Variants in CEACAM1 observed in about 807,000 individuals in gnomAD.
CEACAM1 encodes the protein cell adhesion molecule CEACAM1.
Under a neutral mutation model 49.1 loss-of-function variants are expected in CEACAM1, and 31 were observed. The ratio of observed to expected loss-of-function variants is 0.63; its 90% confidence interval spans 0.47 to 0.85. The LOEUF (loss-of-function observed/expected upper bound fraction) is 0.85, where lower values mean the gene tolerates loss of function less well. CEACAM1 is among the 40% of genes least tolerant of loss of function. CEACAM1 has a pLI of 0.00. For missense variants in CEACAM1, 570 were observed against 645.3 expected (o/e 0.88, Z 1.26); for synonymous variants, 244 against 247.8 (o/e 0.98, Z 0.14).
chr19:42,521,253 C>T lies in CEACAM1; in HGVS notation c.958+14G>A, dbSNP rs1402378881. ...ACCCCAGATCTTAGTGTTGATGCTC[C>T]AGGAATTACTTACCAGTGACTATGA... On this transcript the variant is annotated intron_variant, in intron 4 of 8. Transcript: ENST00000161559. 6.2e-7 allele frequency: 1 copy of T among 1,612,572 alleles called. No homozygotes were observed. The highest frequency in any genetic ancestry group is 2.2e-5 in the East Asian group (1 of 44,836).
chr19:42,522,301 G>C, intron 2 of CEACAM1, 99 bp from the exon 3 acceptor site: 1 of 1,531,934 alleles, frequency 6.5e-7, no homozygotes, highest in Non-Finnish European at 8.7e-7. Context: ...TGGAGATGGA[G>C]CCTCGCTCTG....
At chr19:42,526,834 G>A (rs2041903195) in intron 2 of CEACAM1, among the ~76,000 whole-genome samples, 1 of 152,158 alleles carries the variant, frequency 6.6e-6, no homozygotes, top group South Asian at 2.1e-4. Context: ...TCCTTCCTCT[G>A]AAGCAAATGT....
intron 5 of CEACAM1, among the ~76,000 whole-genome samples, chr19:42,512,683 C>CT (rs753850463): frequency 0.033 from 4,632 of 138,384 alleles, 246 homozygotes; most frequent in African/African-American, 0.11. Flanking sequence ...TTTTTCTTTT[C>CT]TTTTTTTTTT....
At chr19:42,527,731 A>G (rs1282773764) in intron 1 of CEACAM1, 2 of 262,930 alleles carry the variant, frequency 7.6e-6, no homozygotes, top group Non-Finnish European at 1.4e-5. Context: ...GACCCTGGGT[A>G]TTCCCTTTCT....
chr19:42,517,749 T>C (rs1169935424), intron 5 of CEACAM1, among the ~76,000 whole-genome samples: 1 of 152,230 alleles, frequency 6.6e-6, no homozygotes, highest in African/African-American at 2.4e-5. Flanking sequence ...TGAAATGGTA[T>C]AGCCACTGTG....
At chr19:42,527,655 C>T (rs1191428914) in intron 1 of CEACAM1, 1 of 459,046 alleles carries the variant, frequency 2.2e-6, no homozygotes, top group East Asian at 3.9e-5. Context: ...TCCCTCCCCA[C>T]TGCCCTCAGA....
intron 5 of CEACAM1, among the ~76,000 whole-genome samples, chr19:42,517,983 G>C (rs1247416231): frequency 6.6e-6 from 1 of 152,194 alleles, no homozygotes; most frequent in Non-Finnish European, 1.5e-5. Context: ...TATCTACACA[G>C]CATAATATTA....
intron 4 of CEACAM1, 40 bp downstream of exon 4, chr19:42,521,227 T>C: frequency 1.2e-6 from 2 of 1,601,944 alleles, no homozygotes; most frequent in East Asian, 2.2e-5. Flanking sequence ...AGAAAGCTTG[T>C]ACCCCAGATC....
chr19:42,511,141 A>G, intron 7 of CEACAM1: 2 of 594,666 alleles, frequency 3.4e-6, no homozygotes, highest in Non-Finnish European at 6.0e-6. Context: ...GAGTTCTACC[A>G]GTTCACAAGG....
chr19:42,519,381 C>A, intron 4 of CEACAM1, 146 bp from the exon 5 acceptor site: 1 of 727,414 alleles, frequency 1.4e-6, no homozygotes. Context: ...GGGGATAGCC[C>A]TGACCCTCTG....
intron 5 of CEACAM1, among the ~76,000 whole-genome samples, chr19:42,516,584 A>G (rs2041604189): frequency 1.3e-5 from 2 of 152,350 alleles, no homozygotes; most frequent in Admixed American, 6.5e-5. Context: ...AAAGTGATCT[A>G]CAGATTCAGT....
At chr19:42,510,986 T>C in intron 7 of CEACAM1, 66 bp from the exon 8 acceptor site, 1 of 1,477,584 alleles carries the variant, frequency 6.8e-7, no homozygotes, top group African/African-American at 1.4e-5. Context: ...TGATTCTAGC[T>C]GAAGGAGGTG....
chr19:42,519,073 A>T lies in CEACAM1; in HGVS notation c.1121T>A (p.Leu374Gln). Residue 374 changes from leucine (L) to glutamine (Q), a missense_variant, in exon 5 of 9, where the codon CTG becomes CAG. Physicochemically the swap from Leu to Gln is moderately radical, Grantham distance 113. Transcript: ENST00000161559. ...QSLPSSERMK[L>Q]SQGNTTLSIN... ...GCTGAGGGTGGTGTTGCCCTGGGAC[A>T]GCTTCATCCTCTCCGAGGACGGGAG... The T allele has an allele frequency of 8.7e-6, 14 of 1,614,200 alleles. No individual in the cohort carries two copies. Among genetic ancestry groups the T allele is most frequent in the Non-Finnish European group, 1.2e-5 (14 of 1,180,040 alleles).
At position 42,513,303 on chromosome 19, in the gene CEACAM1, A is replaced by G. The variant is rs1435476867; in HGVS notation, c.1247-824T>C. ...CTGTCAGCCTTGCAGAAATGCTCTT[A>G]GAACTGCACTGCAGGCCGGGCGCGG... is the stretch of plus-strand genomic sequence containing the variant. On this transcript the variant is annotated intron_variant, in intron 5 of 8. Transcript: ENST00000161559. 4.6e-5 allele frequency among the ~76,000 whole-genome samples: 7 copies of G among 152,172 alleles called. 1 individual carries two copies. The highest frequency in any genetic ancestry group is 1.4e-4 in the African/African-American group (6 of 41,444).
In CEACAM1 at chr19:42,527,088, T is replaced by C; in HGVS notation, c.377A>G (p.Lys126Arg). The C allele has an allele frequency of 6.2e-7, 1 of 1,613,092 alleles. No homozygotes were observed. Among genetic ancestry groups the C allele is most frequent in the Non-Finnish European group, 8.5e-7 (1 of 1,179,420 alleles). ...DTGFYTLQVIKSDLVNEEATG... is the reference protein window; with the variant it reads ...DTGFYTLQVIRSDLVNEEATG... Reference sequence around the variant, plus strand: ...TGCTTCTTCATTCACAAGATCTGACTTTATGACTTGTAGGGTGTAGAATCC... The same window carrying C: ...TGCTTCTTCATTCACAAGATCTGACCTTATGACTTGTAGGGTGTAGAATCC... Residue 126 changes from lysine to arginine, a missense_variant, in exon 2 of 9, where the codon AAG (lysine) becomes AGG (arginine). Physicochemically the swap from Lys to Arg is conservative, Grantham distance 26. Transcript: ENST00000161559.
chr19:42,512,279 G>T lies in CEACAM1; in HGVS notation c.1376+71C>A, dbSNP rs1483518191. ...AGATCCAGGCCCAGAGACAGGCAAA[G>T]AATTCTTTCCCTCTCCCAAGCATGG... On this transcript the variant is annotated intron_variant, in intron 6 of 8. Transcript: ENST00000161559. 8.8e-6 allele frequency: 14 copies of T among 1,582,358 alleles called. No homozygotes were observed. In the East Asian group the frequency reaches 9.0e-5, roughly 10 times the overall value.
intron 5 of CEACAM1, chr19:42,515,136 T>C (rs553380097): frequency 5.8e-5 from 35 of 604,086 alleles, no homozygotes; most frequent in African/African-American, 5.4e-4. Context: ...ATTAGCCAGA[T>C]GTGGTAGTAT....
chr19:42,511,567 T>C lies in CEACAM1; in HGVS notation c.1429+9A>G. 1 of 1,611,276 alleles carries C rather than the reference T, an allele frequency of 6.2e-7. No homozygotes were observed. The highest frequency in any genetic ancestry group is 8.5e-7 in the Non-Finnish European group (1 of 1,177,778). Reference sequence around the variant, plus strand: ...ACCAGTTCTCACTGGGGTAAGTGGCTTTACTTACTGTGGTTGGAGACTGAG... The same window carrying C: ...ACCAGTTCTCACTGGGGTAAGTGGCCTTACTTACTGTGGTTGGAGACTGAG... On this transcript the variant is annotated intron_variant, in intron 7 of 8. Transcript: ENST00000161559.
At chr19:42,526,968 C>T in intron 2 of CEACAM1, 73 bp downstream of exon 2, 1 of 1,567,028 alleles carries the variant, frequency 6.4e-7, no homozygotes, top group Non-Finnish European at 8.6e-7. Context: ...AGGCACAGCC[C>T]AGGCCTGACA....
Sources: gnomAD v4.1 joint callset for allele counts (sites outside exome capture counted in the v4.1 genomes callset) on GRCh38, gnomAD v4.1.1 for gene constraint, MANE v1.5 for transcripts, NCBI Gene and HGNC (gene_info 2026-07-23, HGNC 2026-07-21) for gene names.